MSN: variants seen among roughly 807,000 people sequenced by gnomAD.
MSN encodes the protein epididymis luminal protein 70.
In MSN, 2 loss-of-function variants were observed where a neutral mutation model predicts 48.0. That is an observed-to-expected ratio of 0.04 (90% CI 0.02 to 0.13). The LOEUF is 0.13. Ranked by LOEUF, MSN falls within the 10% of genes least tolerant of loss-of-function variation. The pLI, the probability that MSN is intolerant of heterozygous loss-of-function variation, is 1.00. For missense variants in MSN, 267 were observed against 470.1 expected (o/e 0.57, Z 3.99); for synonymous variants, 146 against 166.9 (o/e 0.87, Z 0.97).
intron 1 of MSN, among the ~76,000 whole-genome samples, chrX:65,601,441 G>C (rs1032345438): frequency 1.8e-5 from 2 of 112,457 alleles, no homozygotes; most frequent in African/African-American, 6.5e-5. Context: ...TCCATTAAAA[G>C]AAGTAGAATA....
At chrX:65,631,317 CT>C (rs2070556199) in intron 1 of MSN, among the ~76,000 whole-genome samples, 1 of 110,596 alleles carries the variant, frequency 9.0e-6, no homozygotes, top group African/African-American at 3.3e-5. Flanking sequence ...TGGTTTTGAA[CT>C]CCTGACCTCA....
chrX:65,609,671 C>G (rs1177287437), intron 1 of MSN, among the ~76,000 whole-genome samples: 1 of 111,439 alleles, frequency 9.0e-6, no homozygotes, highest in East Asian at 2.8e-4. Flanking sequence ...ATAATGAGGT[C>G]AGGAGATCAA....
At chrX:65,600,216 G>A (rs756243060) in intron 1 of MSN, among the ~76,000 whole-genome samples, 10 of 111,274 alleles carry the variant, frequency 9.0e-5, no homozygotes, top group Non-Finnish European at 1.9e-4. Flanking sequence ...GCTTATGATT[G>A]GAGTGTGTGT....
At chrX:65,662,603 G>A (rs2070832476) in intron 1 of MSN, among the ~76,000 whole-genome samples, 1 of 112,376 alleles carries the variant, frequency 8.9e-6, no homozygotes, top group South Asian at 3.6e-4. Flanking sequence ...AATGAAACTA[G>A]ACCCTTACCT....
At chrX:65,608,316 C>T (rs2148353518) in intron 1 of MSN, among the ~76,000 whole-genome samples, 1 of 111,371 alleles carries the variant, frequency 9.0e-6, no homozygotes, top group South Asian at 3.8e-4. Context: ...CCTCTGTACC[C>T]AGTTTTGTTG....
chrX:65,681,348 T>C (rs1431557422), intron 1 of MSN, among the ~76,000 whole-genome samples: 1 of 112,059 alleles, frequency 8.9e-6, no homozygotes, highest in Non-Finnish European at 1.9e-5. Flanking sequence ...TAGCTCTTCC[T>C]GTCTCAAGAA....
chrX:65,664,641 C>T (rs997134649), upstream of MSN, among the ~76,000 whole-genome samples: 3 of 108,942 alleles, frequency 2.8e-5, no homozygotes, highest in Admixed American at 2.0e-4. Context: ...CCCATCCTCT[C>T]CTCCCCAGAG....
At chrX:65,642,065 C>T (rs957646435) in intron 1 of MSN, among the ~76,000 whole-genome samples, 2 of 91,050 alleles carry the variant, frequency 2.2e-5, no homozygotes, top group Admixed American at 2.9e-4. Flanking sequence ...ACCTAGAAGG[C>T]GGAGGTTGCG....
chrX:65,604,991 C>T (rs2070267171), intron 1 of MSN, among the ~76,000 whole-genome samples: 1 of 112,184 alleles, frequency 8.9e-6, no homozygotes, highest in South Asian at 3.7e-4. Flanking sequence ...CGCACCTAGC[C>T]CATGGCTTCT....
At chrX:65,708,885 G>A (rs1437653767) in intron 1 of MSN, among the ~76,000 whole-genome samples, 2 of 111,152 alleles carry the variant, frequency 1.8e-5, no homozygotes, top group Non-Finnish European at 3.8e-5. Context: ...GTTTTGCTGT[G>A]TTGGCCAGGC....
At chrX:65,672,472 C>A (rs2070951675) in intron 1 of MSN, among the ~76,000 whole-genome samples, 1 of 111,567 alleles carries the variant, frequency 9.0e-6, no homozygotes, top group Non-Finnish European at 1.9e-5. Flanking sequence ...GCTTTGCTGT[C>A]CATCCCTCCT....
intron 2 of MSN, among the ~76,000 whole-genome samples, chrX:65,717,616 A>G (rs1481217825): frequency 1.8e-5 from 2 of 112,483 alleles, no homozygotes; most frequent in Non-Finnish European, 1.9e-5. Flanking sequence ...GATGGCAGCT[A>G]CAGACATTTT....
upstream of MSN, among the ~76,000 whole-genome samples, chrX:65,667,199 G>C (rs2070879820): frequency 8.9e-6 from 1 of 111,977 alleles, no homozygotes; most frequent in Non-Finnish European, 1.9e-5. Flanking sequence ...TGGCCTCAGG[G>C]AGCAGAACTG....
chrX:65,703,335 C>T (rs767637206), intron 1 of MSN, among the ~76,000 whole-genome samples: 6 of 111,022 alleles, frequency 5.4e-5, no homozygotes, highest in African/African-American at 1.6e-4. Context: ...TAACCCTGTA[C>T]TGAGGTCGAT....
chrX:65,712,508 A>G (rs1487916927), intron 1 of MSN, among the ~76,000 whole-genome samples: 1 of 109,616 alleles, frequency 9.1e-6, no homozygotes, highest in Non-Finnish European at 1.9e-5. Context: ...CCTCAATACT[A>G]TAAGCAGTAT....
intron 1 of MSN, among the ~76,000 whole-genome samples, chrX:65,679,774 T>G (rs2071036389): frequency 8.9e-6 from 1 of 112,572 alleles, no homozygotes; most frequent in Non-Finnish European, 1.9e-5. Context: ...ACCTAAGAGT[T>G]GGCCATGAAC....
At chrX:65,666,852 G>T (rs760907003), upstream of MSN, among the ~76,000 whole-genome samples, 3 of 111,459 alleles carry the variant, frequency 2.7e-5, no homozygotes, top group Non-Finnish European at 5.7e-5. Flanking sequence ...AAGGGAGCTG[G>T]CAGACAAACC....
At chrX:65,655,845 TA>T (rs2070776997) in intron 1 of MSN, among the ~76,000 whole-genome samples, 1 of 112,335 alleles carries the variant, frequency 8.9e-6, no homozygotes, top group African/African-American at 3.2e-5. Flanking sequence ...TGGCTCACTA[TA>T]ACCTCTGCTT....
intron 7 of MSN, 147 bp from the exon 8 acceptor site, chrX:65,735,120 C>T: frequency 1.5e-6 from 1 of 664,815 alleles, no homozygotes; most frequent in Non-Finnish European, 2.3e-6. Context: ...AGTCACTTTA[C>T]CACTCTGATA....
Sources: gnomAD v4.1 joint callset for allele counts (sites outside exome capture counted in the v4.1 genomes callset) on GRCh38, gnomAD v4.1.1 for gene constraint, MANE v1.5 for transcripts, NCBI Gene and HGNC (gene_info 2026-07-23, HGNC 2026-07-21) for gene names.